Variants in MAD1L1 observed in about 807,000 individuals in gnomAD.
The protein encoded by MAD1L1 is mitotic spindle assembly checkpoint protein MAD1.
In MAD1L1, 95 loss-of-function variants were observed where a neutral mutation model predicts 96.9. That is an observed-to-expected ratio of 0.98 (90% CI 0.83 to 1.16). The LOEUF (loss-of-function observed/expected upper bound fraction) is 1.16. MAD1L1 is among the 50% of genes most tolerant of loss of function. The probability of loss-of-function intolerance (pLI) is 0.00; values close to 1 mark genes in which losing one functional copy is unlikely to be tolerated. For synonymous variants in MAD1L1, 473 were observed against 396.6 expected (o/e 1.19, Z -2.29); for missense variants, 1,007 against 954.4 (o/e 1.06, Z -0.73).
chr7:2,222,826 A>C, intron 4 of MAD1L1, 72 bp from the exon 5 acceptor site: 2 of 1,243,140 alleles, frequency 1.6e-6, no homozygotes, highest in African/African-American at 1.5e-5. Context: ...TCACCCCCAC[A>C]CCTCTCTCAG....
intron 11 of MAD1L1, among the ~76,000 whole-genome samples, chr7:2,074,721 A>G (rs1301407807): frequency 6.6e-6 from 1 of 152,256 alleles, no homozygotes; most frequent in East Asian, 1.9e-4. Context: ...AGTAGGGCTC[A>G]GAGAAGGGAG....
chr7:2,211,650 C>T lies in MAD1L1; in HGVS notation c.986+1562G>A, dbSNP rs535500821. On this transcript the variant is annotated intron_variant, in intron 10 of 18. Coordinates refer to ENST00000265854, the MANE Select transcript of MAD1L1 (RefSeq NM_001013836.2). ...ACAGAAGCACAAAGCATTTAGGCCC[C>T]GCTGAGGCCGGCCCTACAGAAGTCT... 2.6e-5 allele frequency among the ~76,000 whole-genome samples: 4 copies of T among 152,314 alleles called. No individual in the cohort carries two copies. The South Asian group carries it at 6.2e-4, about 24-fold the overall frequency.
At chr7:1,889,918 C>T (rs191676573) in intron 18 of MAD1L1, among the ~76,000 whole-genome samples, 2 of 152,350 alleles carry the variant, frequency 1.3e-5, no homozygotes, top group Admixed American at 6.5e-5. Context: ...CGTCAGGGGC[C>T]ACAGCAACAG....
chr7:1,931,951 C>T lies in MAD1L1; in HGVS notation c.1807+4736G>A, dbSNP rs191150995. 2.6e-3 allele frequency among the ~76,000 whole-genome samples: 399 copies of T among 152,324 alleles called. 2 individuals are homozygous for T. Among genetic ancestry groups the T allele is most frequent in the African/African-American group, 9.1e-3 (377 of 41,562 alleles). On this transcript the variant is annotated intron_variant, in intron 17 of 18. Coordinates refer to ENST00000265854, the MANE Select transcript of MAD1L1 (RefSeq NM_001013836.2). ...TTTGTGCGGGGCAGCAAACCTAAAA[C>T]CTGAGAAATGTGTGTGGCACGCAGG...
intron 16 of MAD1L1, among the ~76,000 whole-genome samples, chr7:1,948,650 CT>C: frequency 6.6e-6 from 1 of 152,104 alleles, no homozygotes; most frequent in East Asian, 1.9e-4. Flanking sequence ...CATGACACCC[CT>C]GATAACAGCC....
intron 12 of MAD1L1, among the ~76,000 whole-genome samples, chr7:2,051,677 C>A (rs1483802059): frequency 7.3e-6 from 1 of 136,734 alleles, no homozygotes; most frequent in Non-Finnish European, 1.6e-5. Context: ...TGCCGGGTCA[C>A]CTCGCTGTCC....
At chr7:2,186,712 C>T (rs1458806481) in intron 10 of MAD1L1, among the ~76,000 whole-genome samples, 3 of 152,108 alleles carry the variant, frequency 2.0e-5, no homozygotes, top group Admixed American at 6.5e-5. Context: ...AGGGACTAAG[C>T]GCTAGGACAA....
At chr7:2,051,358 A>C (rs143590445) in intron 12 of MAD1L1, among the ~76,000 whole-genome samples, 14 of 151,890 alleles carry the variant, frequency 9.2e-5, no homozygotes, top group Non-Finnish European at 1.8e-4. Context: ...CTAGCAGGAC[A>C]CTCCAGGTTT....
intron 3 of MAD1L1, among the ~76,000 whole-genome samples, chr7:2,229,617 C>T (rs1457743162): frequency 6.6e-6 from 1 of 152,222 alleles, no homozygotes; most frequent in African/African-American, 2.4e-5. Flanking sequence ...CCAACACAGC[C>T]TTCCCGACAG....
At chr7:2,061,895 A>C (rs1422346454) in intron 12 of MAD1L1, among the ~76,000 whole-genome samples, 2 of 152,248 alleles carry the variant, frequency 1.3e-5, no homozygotes, top group Non-Finnish European at 2.9e-5. Flanking sequence ...CGTGTAATGG[A>C]AGCCAGGGAC....
At chr7:2,229,802 C>T (rs1794100562) in intron 3 of MAD1L1, among the ~76,000 whole-genome samples, 182 bp downstream of exon 3, 1 of 152,256 alleles carries the variant, frequency 6.6e-6, no homozygotes, top group Admixed American at 6.5e-5. Context: ...GGCTCAGGGC[C>T]CCAACTAGCC....
intron 3 of MAD1L1, among the ~76,000 whole-genome samples, chr7:2,228,833 C>G (rs1029972375): frequency 2.0e-5 from 3 of 151,892 alleles, no homozygotes; most frequent in Non-Finnish European, 4.4e-5. Context: ...CTCTGACTCC[C>G]GGGTTCACAC....
At chr7:1,978,683 G>C (rs1469744780) in intron 15 of MAD1L1, among the ~76,000 whole-genome samples, 1 of 152,084 alleles carries the variant, frequency 6.6e-6, no homozygotes. Context: ...CTTCCAGGGG[G>C]AGACATCCAC....
intron 14 of MAD1L1, among the ~76,000 whole-genome samples, chr7:1,989,574 AG>A (rs1354188379): frequency 6.6e-6 from 1 of 152,236 alleles, no homozygotes; most frequent in African/African-American, 2.4e-5. Context: ...AAACTGGAAC[AG>A]GTGTGGGGAC....
At chr7:1,907,720 G>A (rs1371126195) in intron 17 of MAD1L1, among the ~76,000 whole-genome samples, 6 of 152,246 alleles carry the variant, frequency 3.9e-5, no homozygotes, top group African/African-American at 1.2e-4. Flanking sequence ...CAGTGGAGGC[G>A]AAAACCCTCT....
At chr7:1,886,032 G>A (rs1453838709) in intron 18 of MAD1L1, among the ~76,000 whole-genome samples, 2 of 152,224 alleles carry the variant, frequency 1.3e-5, no homozygotes, top group East Asian at 3.9e-4. Flanking sequence ...CCCCACCTGG[G>A]CCCTCACCAG....
At chr7:2,191,052 C>A (rs1791692854) in intron 10 of MAD1L1, among the ~76,000 whole-genome samples, 1 of 152,266 alleles carries the variant, frequency 6.6e-6, no homozygotes, top group South Asian at 2.1e-4. Flanking sequence ...GAGCAAAAAA[C>A]CGGATTAAAA....
chr7:1,973,906 A>G (rs1780514931), intron 15 of MAD1L1, among the ~76,000 whole-genome samples: 1 of 152,212 alleles, frequency 6.6e-6, no homozygotes. Context: ...TGCCCAGCAC[A>G]GACACAGGAG....
chr7:2,043,010 G>A (rs757689076), intron 12 of MAD1L1, among the ~76,000 whole-genome samples: 7 of 152,150 alleles, frequency 4.6e-5, no homozygotes, highest in East Asian at 1.9e-4. Context: ...AGAAGGATGG[G>A]CTTCTGGAAA....
Sources: gnomAD v4.1 joint callset for allele counts (sites outside exome capture counted in the v4.1 genomes callset) on GRCh38, gnomAD v4.1.1 for gene constraint, MANE v1.5 for transcripts, NCBI Gene and HGNC (gene_info 2026-07-23, HGNC 2026-07-21) for gene names.